Variants in BRAF observed in about 807,000 individuals in gnomAD.
The protein encoded by BRAF is serine/threonine-protein kinase B-raf.
A neutral mutation model predicts 104.6 loss-of-function variants in BRAF; 16 were observed. The ratio of observed to expected loss-of-function variants is 0.15; its 90% CI spans 0.10 to 0.23. BRAF has a LOEUF of 0.23. Among genes scored for constraint, BRAF ranks in the 10% least tolerant of loss-of-function variants. BRAF has a pLI of 1.00. For missense variants in BRAF, 541 were observed against 937.3 expected (o/e 0.58, Z 5.52); for synonymous variants, 310 against 341.6 (o/e 0.91, Z 1.02).
chr7:140,829,294 A>T (rs1281106558), intron 3 of BRAF, among the ~76,000 whole-genome samples: 2 of 149,670 alleles, frequency 1.3e-5, no homozygotes, highest in African/African-American at 2.5e-5. Flanking sequence ...AGTGACCTCA[A>T]CTCCTAGATT....
intron 1 of BRAF, among the ~76,000 whole-genome samples, chr7:140,881,676 G>A (rs937070295): frequency 1.2e-4 from 18 of 152,104 alleles, no homozygotes; most frequent in African/African-American, 4.3e-4. Flanking sequence ...TCTTCACTAA[G>A]CTTAATCATT....
At chr7:140,739,266 G>T (rs1796699623) in intron 18 of BRAF, among the ~76,000 whole-genome samples, 1 of 152,082 alleles carries the variant, frequency 6.6e-6, no homozygotes, top group African/African-American at 2.4e-5. Context: ...GAGTTTTTAG[G>T]GGTGACATGA....
chr7:140,902,690 T>C (rs1359150479), intron 1 of BRAF, among the ~76,000 whole-genome samples: 4 of 152,206 alleles, frequency 2.6e-5, no homozygotes, highest in Non-Finnish European at 5.9e-5. Flanking sequence ...CCCAGCATTT[T>C]CAGAGGCCAA....
intron 14 of BRAF, among the ~76,000 whole-genome samples, chr7:140,763,157 G>A (rs2129007568): frequency 6.6e-6 from 1 of 152,248 alleles, no homozygotes; most frequent in Admixed American, 6.5e-5. Flanking sequence ...CCGGGCAGAG[G>A]GGCTCCTCAC....
At chr7:140,913,986 C>T (rs1325658915) in intron 1 of BRAF, among the ~76,000 whole-genome samples, 1 of 152,088 alleles carries the variant, frequency 6.6e-6, no homozygotes, top group Non-Finnish European at 1.5e-5. Flanking sequence ...AACACTGAAA[C>T]AGTTCTAGGA....
intron 5 of BRAF, among the ~76,000 whole-genome samples, chr7:140,805,508 G>A (rs1283605384): frequency 6.6e-6 from 1 of 151,966 alleles, no homozygotes; most frequent in Non-Finnish European, 1.5e-5. Context: ...TGTCAATAAA[G>A]ATGAGCACAG....
chr7:140,744,783 C>A (rs1032659202), intron 17 of BRAF, among the ~76,000 whole-genome samples: 6 of 152,068 alleles, frequency 3.9e-5, no homozygotes, highest in African/African-American at 1.4e-4. Context: ...ATACATATTT[C>A]CAATATAATT....
chr7:140,812,160 C>CTGTGTGTGTGTGTGTG (rs201757515), intron 3 of BRAF, among the ~76,000 whole-genome samples: 4,057 of 140,464 alleles, frequency 0.029, 60 homozygotes, highest in South Asian at 0.057. Context: ...GCATGCACAC[C>CTGTGTGTGTGTGTGTG]TGTGTGTGTG....
chr7:140,719,569 C>G lies in BRAF; in HGVS notation c.*6925G>C, dbSNP rs1232327523. The G allele has an allele frequency of 9.5e-7, 1 of 1,054,386 alleles. No homozygotes were observed. The highest frequency in any genetic ancestry group is 1.1e-6 in the Non-Finnish European group (1 of 870,994). 65.3% of individuals were successfully genotyped at this position (1,054,386 alleles called of 1,614,324 possible). ...AACTCCAAAGTACAAATGAAGGGACCTGAGCAGGAAAGAGAACCAAAGTAT... is the reference window on the plus strand; with the variant it reads ...AACTCCAAAGTACAAATGAAGGGACGTGAGCAGGAAAGAGAACCAAAGTAT... On this transcript the variant is annotated 3_prime_UTR_variant, in exon 20 of 20. Transcript: ENST00000644969.
At chr7:140,761,105 AAAG>A (rs1586049492) in intron 14 of BRAF, among the ~76,000 whole-genome samples, 3 of 152,086 alleles carry the variant, frequency 2.0e-5, no homozygotes, top group East Asian at 3.9e-4. Flanking sequence ...ACCAAAGTTG[AAAG>A]AAGGAAAAAA....
At chr7:140,759,622 G>C (rs1214569165) in intron 14 of BRAF, among the ~76,000 whole-genome samples, 3 of 152,220 alleles carry the variant, frequency 2.0e-5, no homozygotes, top group African/African-American at 4.8e-5. Context: ...CCGACCTCAA[G>C]TGATCCATCT....
rs1052583911 is a variant in BRAF, at chr7:140,724,996, A to T, written c.*1498T>A. On this transcript the variant is annotated 3_prime_UTR_variant, in exon 20 of 20. Coordinates refer to ENST00000644969, the MANE Select transcript of BRAF (RefSeq NM_001374258.1). Reference sequence around the variant, plus strand: ...TTCTTAATGAATGCCAGTTCTTTCTATAAAAACAACTGATGACAGCTTTCC... The same window carrying T: ...TTCTTAATGAATGCCAGTTCTTTCTTTAAAAACAACTGATGACAGCTTTCC... 8.6e-6 allele frequency: 9 copies of T among 1,045,764 alleles called. No homozygotes were observed. The highest frequency in any genetic ancestry group is 1.7e-5 in the African/African-American group (1 of 60,144). The allele number at this position is 1,045,764 out of a possible 1,614,324, so 64.8% of individuals were successfully genotyped here.
intron 17 of BRAF, among the ~76,000 whole-genome samples, chr7:140,741,920 C>G (rs1796954140): frequency 1.3e-5 from 2 of 151,594 alleles, no homozygotes; most frequent in Non-Finnish European, 2.9e-5. Context: ...TCATGCCACA[C>G]TATACTCCAG....
At chr7:140,922,330 T>C (rs1290026810) in intron 1 of BRAF, among the ~76,000 whole-genome samples, 1 of 152,186 alleles carries the variant, frequency 6.6e-6, no homozygotes. Context: ...TCAAGACATG[T>C]GCCAAATACA....
chr7:140,830,799 A>G (rs1006412616), intron 3 of BRAF, among the ~76,000 whole-genome samples: 6 of 152,200 alleles, frequency 3.9e-5, no homozygotes, highest in Non-Finnish European at 5.9e-5. Flanking sequence ...TCCTAAAGAG[A>G]GCACAGAAGC....
intron 1 of BRAF, among the ~76,000 whole-genome samples, chr7:140,874,733 G>C (rs916416191): frequency 1.3e-5 from 2 of 152,038 alleles, no homozygotes; most frequent in Non-Finnish European, 2.9e-5. Flanking sequence ...ACAGAATCCA[G>C]GTGATATGGT....
Position 140,722,577 on chromosome 7 carries a change from G to T in BRAF, c.*3917C>A. ...TATGGTGTTTATAGCCTAATGGTTG[G>T]AATCTGCTCGTCTCAAGGTGCTGGT... On this transcript the variant is annotated 3_prime_UTR_variant, in exon 20 of 20. Coordinates refer to ENST00000644969, the MANE Select transcript of BRAF (RefSeq NM_001374258.1). 9.5e-7 allele frequency: 1 copy of T among 1,055,386 alleles called. No individual in the cohort carries two copies. Among genetic ancestry groups the T allele is most frequent in the Non-Finnish European group, 1.1e-6 (1 of 873,072 alleles). The allele number at this position is 1,055,386 out of a possible 1,614,324, so 65.4% of individuals were successfully genotyped here.
intron 14 of BRAF, among the ~76,000 whole-genome samples, chr7:140,769,420 T>G (rs1799631068): frequency 6.6e-6 from 1 of 152,208 alleles, no homozygotes; most frequent in African/African-American, 2.4e-5. Flanking sequence ...TTCCTGGAGA[T>G]AATCACTATG....
intron 3 of BRAF, among the ~76,000 whole-genome samples, chr7:140,819,973 T>C (rs1401811952): frequency 1.3e-5 from 2 of 152,236 alleles, no homozygotes; most frequent in African/African-American, 2.4e-5. Context: ...GCTTTTGAAT[T>C]ATATCTCAAT....
Sources: allele counts gnomAD v4.1 joint callset (sites outside exome capture counted in the v4.1 genomes callset), GRCh38; gene constraint gnomAD v4.1.1; transcripts MANE v1.5; gene names NCBI Gene and HGNC (gene_info 2026-07-23, HGNC 2026-07-21).